The following CFAP298 variants were observed in gnomAD, a reference collection of about 807,000 sequenced individuals.
CFAP298 encodes cilia- and flagella-associated protein 298.
Under a neutral mutation model 41.0 loss-of-function variants are expected in CFAP298, and 38 were observed. That is an observed-to-expected ratio of 0.93 (90% CI 0.72 to 1.22). The LOEUF (loss-of-function observed/expected upper bound fraction) is 1.22, where lower values mean the gene tolerates loss of function less well. CFAP298 is among the 50% of genes most tolerant of loss of function. The pLI is 0.00. For synonymous variants in CFAP298, 137 were observed against 135.3 expected (o/e 1.01, Z -0.09); for missense variants, 348 against 360.3 (o/e 0.97, Z 0.28).
chr21:32,609,537 G>A (rs371729661), intron 2 of CFAP298, among the ~76,000 whole-genome samples: 40 of 152,304 alleles, frequency 2.6e-4, no homozygotes, highest in Middle Eastern at 6.8e-3. Context: ...GGCCGAGACC[G>A]GCAGATCATC....
intron 2 of CFAP298, 121 bp downstream of exon 2, chr21:32,609,717 A>G: frequency 1.2e-6 from 1 of 825,828 alleles, no homozygotes. Context: ...GTGAGCTGAG[A>G]TTGTGCCACT....
Position 32,601,327 on chromosome 21 carries a change from C to T in CFAP298, c.*536G>A, listed in dbSNP as rs1260808340. Among the ~76,000 whole-genome samples the T allele has an allele frequency of 3.7e-5, 4 of 108,692 alleles. No homozygotes were observed. The highest frequency in any genetic ancestry group is 3.4e-4 in the South Asian group (1 of 2,954). The allele number at this position is 108,692 out of a possible 152,430, so 71.3% of individuals were successfully genotyped here. A position where few individuals can be genotyped will look rare whatever the true frequency, so the allele number is the denominator to read the frequency against. The stretch of plus-strand genomic sequence containing the variant: ...TTTTTTTTTTTTGAGACAAGAGTTT[C>T]GCTCTGTTGCCCAGGATAGAGTGCA... On this transcript the variant is annotated 3_prime_UTR_variant, in exon 7 of 7. Transcript: ENST00000290155.
At chr21:32,611,601 G>A (rs2039002018) in intron 1 of CFAP298, among the ~76,000 whole-genome samples, 1 of 151,834 alleles carries the variant, frequency 6.6e-6, no homozygotes, top group Non-Finnish European at 1.5e-5. Flanking sequence ...GCGCGGGGTA[G>A]GGAGACGGCG....
chr21:32,604,632 A>G (rs1202997704), intron 3 of CFAP298: 13 of 266,996 alleles, frequency 4.9e-5, no homozygotes, highest in South Asian at 9.6e-5. Context: ...ATGGGCTGAA[A>G]AGGTACAGAT....
chr21:32,606,419 G>T (rs1469702546), intron 3 of CFAP298, among the ~76,000 whole-genome samples: 1 of 152,202 alleles, frequency 6.6e-6, no homozygotes, highest in African/African-American at 2.4e-5. Context: ...AAGGGGAGAA[G>T]TGAGGCGACC....
rs1391050240 is a variant in CFAP298 at position 32,609,892 on chromosome 21, G to C, written c.253C>G (p.Pro85Ala). The change falls in exon 2 of 7, where the codon CCC becomes GCC. Residue 85 changes from proline to alanine, a missense_variant. Coordinates refer to ENST00000290155, the MANE Select transcript of CFAP298 (RefSeq NM_021254.4). ...TTTTTAAACACTGCACCTCCGCTGG[G>C]TACGCATTTTTCACCCCATTCATCC... ...LKDEWGEKCVPSGGAVFKKDD... is the reference protein window; with the variant it reads ...LKDEWGEKCVASGGAVFKKDD... 1.2e-6 allele frequency: 2 copies of C among 1,614,012 alleles called. No homozygotes were observed. Among genetic ancestry groups the C allele is most frequent in the Non-Finnish European group, 1.7e-6 (2 of 1,180,016 alleles).
chr21:32,607,574 C>G (rs1015116939), intron 3 of CFAP298, 75 bp downstream of exon 3: 10 of 856,580 alleles, frequency 1.2e-5, no homozygotes, highest in Non-Finnish European at 1.8e-5. Context: ...GCCTGGGCAA[C>G]AAAAGCAAAA....
rs2038705955 is a variant in CFAP298, at chr21:32,599,747, C to T, written c.*2116G>A. 6.6e-6 allele frequency among the ~76,000 whole-genome samples: 1 copy of T among 152,148 alleles called. No homozygotes were observed. Among genetic ancestry groups the T allele is most frequent in the African/African-American group, 2.4e-5 (1 of 41,410 alleles). Reference sequence around the variant, plus strand: ...GTGCCACAGCGGGCACCACCTGCCCCCCGCCGTCACAGATGGCTTGCAAAT... The same window carrying T: ...GTGCCACAGCGGGCACCACCTGCCCTCCGCCGTCACAGATGGCTTGCAAAT... On this transcript the variant is annotated 3_prime_UTR_variant, in exon 7 of 7. Transcript: ENST00000290155.
intron 3 of CFAP298, among the ~76,000 whole-genome samples, chr21:32,606,604 C>T (rs1432959520): frequency 1.3e-5 from 2 of 152,226 alleles, no homozygotes; most frequent in Non-Finnish European, 2.9e-5. Flanking sequence ...CCTATATTAA[C>T]AGGCACAGAG....
Position 32,602,358 on chromosome 21 carries a change from CCT to C in CFAP298, c.674_675del (p.Gln225ArgfsTer10). The stretch of plus-strand genomic sequence containing the variant: ...ATAATAGGCTCTCGGGCTGGAGCTC[CCT>C]GTCCCCTCTGCAAAGAGGAGAGCAG... ...KIIAKIQQRG[Q>X]GAPAREPIIS... On this transcript the variant is annotated frameshift_variant, in exon 6 of 7. Coordinates refer to ENST00000290155, the MANE Select transcript of CFAP298 (RefSeq NM_021254.4). LOFTEE classifies it high-confidence loss of function. 1 of 1,613,214 alleles carries C rather than the reference CCT, an allele frequency of 6.2e-7. No individual in the cohort carries two copies. Among genetic ancestry groups the C allele is most frequent in the Non-Finnish European group, 8.5e-7 (1 of 1,179,976 alleles).
At chr21:32,602,763 C>T (rs181786026) in intron 5 of CFAP298, 837 of 1,307,906 alleles carry the variant, frequency 6.4e-4, no homozygotes, top group Non-Finnish European at 7.3e-4. Context: ...CAGGTTACAG[C>T]GCTACACGAT....
Position 32,607,632 on chromosome 21 carries a change from C to T in CFAP298, c.375+17G>A. ...AAAAACCCAACAAGTTTTAGTGCAT[C>T]ATTTAAAAAAGCCAACCTTAGATAT... On this transcript the variant is annotated intron_variant, in intron 3 of 6. Coordinates refer to ENST00000290155, the MANE Select transcript of CFAP298 (RefSeq NM_021254.4). 1 of 1,405,828 alleles carries T rather than the reference C, an allele frequency of 7.1e-7. No homozygotes were observed. Among genetic ancestry groups the T allele is most frequent in the Non-Finnish European group, 9.8e-7 (1 of 1,022,166 alleles). 87.1% of individuals were successfully genotyped at this position (1,405,828 alleles called of 1,614,324 possible).
chr21:32,605,763 C>A (rs943666392), intron 3 of CFAP298, among the ~76,000 whole-genome samples: 4 of 152,154 alleles, frequency 2.6e-5, no homozygotes, highest in Non-Finnish European at 5.9e-5. Context: ...GGTGATCTCA[C>A]CCTTTAACTT....
In CFAP298 at chr21:32,601,390, C is replaced by T. The variant is rs1253280106; in HGVS notation, c.*473G>A. The stretch of plus-strand genomic sequence containing the variant: ...TTGGCTCACTGTAAGCTCCACCTCC[C>T]GGGTTCACGCCATTCTCCTGCCTCA... On this transcript the variant is annotated 3_prime_UTR_variant, in exon 7 of 7. Transcript: ENST00000290155. Among the ~76,000 whole-genome samples, 4 of 150,580 alleles carry T rather than the reference C, an allele frequency of 2.7e-5. No individual in the cohort carries two copies. Among genetic ancestry groups the T allele is most frequent in the African/African-American group, 9.8e-5 (4 of 40,808 alleles).
Position 32,610,002 on chromosome 21 carries a change from A to G in CFAP298, c.143T>C (p.Met48Thr), listed in dbSNP as rs2038954825. 1 of 1,612,952 alleles carries G rather than the reference A, an allele frequency of 6.2e-7. No homozygotes were observed. Among genetic ancestry groups the G allele is most frequent in the South Asian group, 1.1e-5 (1 of 90,948 alleles). ...TATGCCATGTTCGGCTAATTCTTCC[A>G]TTTCTTAAAAATAAGTGAAAGACAG... ...RLKVQRLCSE[M>T]EELAEHGIFL... Residue 48 changes from methionine (M) to threonine (T), a missense_variant, in exon 2 of 7, where the codon ATG (methionine) becomes ACG (threonine). By Grantham distance (81) the Met-to-Thr change is moderately conservative. Coordinates refer to ENST00000290155, the MANE Select transcript of CFAP298 (RefSeq NM_021254.4).
chr21:32,602,597 T>C (rs1315230752), intron 5 of CFAP298: 7 of 1,349,500 alleles, frequency 5.2e-6, no homozygotes, highest in Admixed American at 3.4e-5. Flanking sequence ...CATCTCTGTC[T>C]TGACCATTCC....
Position 32,603,683 on chromosome 21 carries a change from G to T in CFAP298, c.535-391C>A, listed in dbSNP as rs2070381. Among the ~76,000 whole-genome samples, 182 of 152,308 alleles carry T rather than the reference G, an allele frequency of 1.2e-3. 1 individual carries two copies. In the East Asian group the frequency reaches 0.035, roughly 29 times the overall value. ...ATTTATTTAACATGGCTTAGACAAA[G>T]AATATTGTCCAATAGGATAAGAAGT... On this transcript the variant is annotated intron_variant, in intron 4 of 6. Transcript: ENST00000290155.
intron 1 of CFAP298, among the ~76,000 whole-genome samples, chr21:32,611,015 T>C (rs2038978916): frequency 6.6e-6 from 1 of 152,002 alleles, no homozygotes; most frequent in African/African-American, 2.4e-5. Context: ...TTATTTAAAT[T>C]AAAATGACCC....
chr21:32,606,872 T>C (rs2038877306), intron 3 of CFAP298, among the ~76,000 whole-genome samples: 3 of 152,192 alleles, frequency 2.0e-5, no homozygotes, highest in Non-Finnish European at 2.9e-5. Flanking sequence ...TATCTGTATA[T>C]CAATGGTATA....
Sources: allele counts gnomAD v4.1 joint callset (sites outside exome capture counted in the v4.1 genomes callset), GRCh38; gene constraint gnomAD v4.1.1; transcripts MANE v1.5; gene names NCBI Gene and HGNC (gene_info 2026-07-23, HGNC 2026-07-21).